UGT2B7: variants seen among roughly 807,000 people sequenced by gnomAD.
UGT2B7 encodes UDP-glucuronosyltransferase 2B7.
A neutral mutation model predicts 51.9 loss-of-function variants in UGT2B7; 51 were observed. The observed-to-expected ratio is 0.98, with a 90% CI of 0.78 to 1.24. The LOEUF is 1.24. Ranked by LOEUF, UGT2B7 falls within the 50% of genes most tolerant of loss-of-function variation. The pLI is 0.00. For missense variants in UGT2B7, 727 were observed against 628.4 expected, an observed-to-expected ratio of 1.16 and a Z score of -1.68; for synonymous variants, 225 against 211.6, an observed-to-expected ratio of 1.06 and a Z score of -0.55.
chr4:69,064,100 A>AGAGAGAG lies in UGT2B7; in HGVS notation c.-159+12498_-159+12499insGAGAGAG, dbSNP rs1560499772. Among the ~76,000 whole-genome samples, 152 of 104,758 alleles carry AGAGAGAG rather than the reference A, an allele frequency of 1.5e-3. 6 individuals carry two copies. Among genetic ancestry groups the AGAGAGAG allele is most frequent in the East Asian group, 2.2e-3 (7 of 3,118 alleles). 68.7% of individuals were successfully genotyped at this position (104,758 alleles called of 152,430 possible). A position where few individuals can be genotyped will look rare whatever the true frequency, so the allele number is the denominator to read the frequency against. On this transcript the variant is annotated intron_variant, in intron 1 of 5. Transcript: ENST00000502942. ...AGAAAGAAAGAAAGAAAGAAAGAGAAAGAAAGAAAGAAAAAGAAAGAAAGA... is the reference window on the plus strand; with the variant it reads ...AGAAAGAAAGAAAGAAAGAAAGAGAAGAGAGAGAGAAAGAAAGAAAAAGAAAGAAAGA...
intron 5 of UGT2B7, 76 bp downstream of exon 5, chr4:69,108,398 C>G: frequency 6.6e-7 from 1 of 1,512,024 alleles, no homozygotes; most frequent in Non-Finnish European, 9.0e-7. Flanking sequence ...TGAGTTTCAT[C>G]CTTTTTATAA....
intron 1 of UGT2B7, among the ~76,000 whole-genome samples, chr4:69,063,240 A>G (rs549951602): frequency 1.8e-4 from 26 of 141,000 alleles, no homozygotes; most frequent in South Asian, 9.2e-4. Context: ...AATGGCGTGA[A>G]CCCGGAAGGC....
At chr4:69,108,015 C>G in intron 4 of UGT2B7, 88 bp from the exon 5 acceptor site, 4 of 1,490,986 alleles carry the variant, frequency 2.7e-6, no homozygotes, top group South Asian at 1.2e-5. Flanking sequence ...AGTGTTTTAG[C>G]TGGAAAACAC....
rs186354858 is a variant in UGT2B7, at chr4:69,103,196, T to C, written c.1002+258T>C. On this transcript the variant is annotated intron_variant, in intron 3 of 5. Coordinates refer to ENST00000305231, the MANE Select transcript of UGT2B7 (RefSeq NM_001074.4). Reference sequence around the variant, plus strand: ...ATGGAGAAAGGTATTTAAAAAGTGTTTGGAGACTTCTCACCTCCTGTCCAT... The same window carrying C: ...ATGGAGAAAGGTATTTAAAAAGTGTCTGGAGACTTCTCACCTCCTGTCCAT... Among the ~76,000 whole-genome samples the C allele has an allele frequency of 1.4e-3, 212 of 152,250 alleles. 1 individual carries two copies. Among genetic ancestry groups the C allele is most frequent in the African/African-American group, 4.9e-3 (205 of 41,560 alleles).
At chr4:69,110,946 T>C (rs1719754611) in intron 5 of UGT2B7, among the ~76,000 whole-genome samples, 1 of 152,094 alleles carries the variant, frequency 6.6e-6, no homozygotes. Flanking sequence ...ATTCTAGGAC[T>C]CAAATAGCAA....
chr4:69,085,809 T>C (rs750894526), intron 1 of UGT2B7, among the ~76,000 whole-genome samples: 8 of 151,914 alleles, frequency 5.3e-5, no homozygotes, highest in Admixed American at 2.0e-4. Context: ...TTTTAATTTG[T>C]TGGCATGAAC....
At chr4:69,092,340 A>G (rs1034478881), upstream of UGT2B7, among the ~76,000 whole-genome samples, 9 of 152,210 alleles carry the variant, frequency 5.9e-5, no homozygotes, top group Non-Finnish European at 1.3e-4. Flanking sequence ...TTAAACCACT[A>G]TGTGAGTGTT....
At chr4:69,101,315 C>T (rs1465378111) in intron 2 of UGT2B7, among the ~76,000 whole-genome samples, 1 of 151,860 alleles carries the variant, frequency 6.6e-6, no homozygotes, top group South Asian at 2.1e-4. Context: ...AATATCACAA[C>T]ATAAAAATTT....
chr4:69,099,433 T>A (rs1311745156), intron 2 of UGT2B7, among the ~76,000 whole-genome samples: 1 of 151,714 alleles, frequency 6.6e-6, no homozygotes, highest in Non-Finnish European at 1.5e-5. Context: ...ACTAAAAAGA[T>A]TAAGAAATAA....
chr4:69,095,742 A>G (rs1274325063), upstream of UGT2B7, among the ~76,000 whole-genome samples: 1 of 151,980 alleles, frequency 6.6e-6, no homozygotes, highest in East Asian at 1.9e-4. Flanking sequence ...TCATCTTGAA[A>G]CTCTCAATAT....
At chr4:69,098,891 A>G (rs1719335558) in intron 2 of UGT2B7, among the ~76,000 whole-genome samples, 1 of 151,952 alleles carries the variant, frequency 6.6e-6, no homozygotes, top group Non-Finnish European at 1.5e-5. Context: ...AATAGAGAGG[A>G]ATACTAAGGA....
Position 69,107,207 on chromosome 4 carries a change from T to C in UGT2B7, c.1035T>C (p.Asp345=). ...VLWRFDGNKP[D]TLGLNTRLYK... ...GGAGATTTGATGGGAATAAACCAGA[T>C]ACCTTAGGTCTCAATACTCGGCTCT... The change falls in exon 4 of 6, where the codon GAT becomes GAC. Residue 345 remains aspartate, a synonymous_variant. Transcript: ENST00000305231. 1.2e-6 allele frequency: 2 copies of C among 1,609,576 alleles called. No homozygotes were observed. The highest frequency in any genetic ancestry group is 1.7e-6 in the Non-Finnish European group (2 of 1,177,230).
chr4:69,081,692 T>C (rs775016763), intron 1 of UGT2B7, among the ~76,000 whole-genome samples: 1 of 152,126 alleles, frequency 6.6e-6, no homozygotes, highest in Non-Finnish European at 1.5e-5. Flanking sequence ...CTACCAAAGC[T>C]TTCATCTCAC....
rs186691349 is a variant in UGT2B7, at chr4:69,058,581, A to C, written c.-159+6979A>C. ...ATCTCATAGGTGCTTCAGGGTGCAT[A>C]TGAAAGCCCCAGCCAGTTTTATAAA... On this transcript the variant is annotated intron_variant, in intron 1 of 5. Coordinates refer to the UGT2B7 transcript ENST00000502942. Among the ~76,000 whole-genome samples the C allele has an allele frequency of 1.0e-2, 1,522 of 152,338 alleles. 115 individuals are homozygous for C. Among genetic ancestry groups the C allele is most frequent in the Admixed American group, 0.091 (1,391 of 15,294 alleles).
upstream of UGT2B7, among the ~76,000 whole-genome samples, chr4:69,095,001 T>A (rs546580611): frequency 3.4e-4 from 51 of 152,220 alleles, no homozygotes; most frequent in Non-Finnish European, 6.3e-4. Flanking sequence ...TGAGATTTCA[T>A]CAATTCTGTT....
intron 1 of UGT2B7, among the ~76,000 whole-genome samples, chr4:69,084,580 A>G (rs1465752481): frequency 1.3e-5 from 2 of 151,712 alleles, no homozygotes; most frequent in African/African-American, 4.8e-5. Context: ...TAAGCCACAC[A>G]CGAATTAGGT....
rs1425958585 is a variant in UGT2B7, at chr4:69,096,987, G to A, written c.467G>A (p.Cys156Tyr). The A allele has an allele frequency of 1.9e-6, 3 of 1,613,712 alleles. No individual in the cohort carries two copies. Among genetic ancestry groups the A allele is most frequent in the South Asian group, 1.1e-5 (1 of 91,030 alleles). Residue 156 changes from cysteine (C) to tyrosine (Y), a missense_variant, in exon 1 of 6, where the codon TGT becomes TAT. Cys to Tyr is a radical substitution (Grantham distance 194). Coordinates refer to ENST00000305231, the MANE Select transcript of UGT2B7 (RefSeq NM_001074.4). ...DVIFADAIFP[C>Y]SELLAELFNI... is the part of the protein sequence containing the mutation. Reference sequence around the variant, plus strand: ...ATTTTTGCAGATGCTATTTTTCCCTGTAGTGAGCTGCTGGCTGAGCTATTT... The same window carrying A: ...ATTTTTGCAGATGCTATTTTTCCCTATAGTGAGCTGCTGGCTGAGCTATTT...
chr4:69,059,185 C>G (rs947580080), intron 1 of UGT2B7, among the ~76,000 whole-genome samples: 6 of 152,180 alleles, frequency 3.9e-5, no homozygotes, highest in African/African-American at 1.4e-4. Context: ...AGCTAATGGA[C>G]TTTATGGTAG....
At chr4:69,108,014 G>A (rs936360483) in intron 4 of UGT2B7, 89 bp from the exon 5 acceptor site, 143 of 1,488,964 alleles carry the variant, frequency 9.6e-5, no homozygotes, top group Non-Finnish European at 1.3e-4. Context: ...CAGTGTTTTA[G>A]CTGGAAAACA....
Sources: allele counts gnomAD v4.1 joint callset (sites outside exome capture counted in the v4.1 genomes callset), GRCh38; gene constraint gnomAD v4.1.1; transcripts MANE v1.5; gene names NCBI Gene and HGNC (gene_info 2026-07-23, HGNC 2026-07-21).